The following TTC7B variants were observed in gnomAD, a reference collection of about 807,000 sequenced individuals.
TTC7B encodes the protein tetratricopeptide repeat protein 7B.
TTC7B carries 28 observed loss-of-function variants against 106.8 expected under a neutral mutation model. That is an observed-to-expected ratio of 0.26 (90% confidence interval 0.19 to 0.36). The LOEUF (loss-of-function observed/expected upper bound fraction) is 0.36. Ranked by LOEUF, TTC7B falls within the 10% of genes least tolerant of loss-of-function variation. The pLI is 1.00. For synonymous variants in TTC7B, 405 were observed against 430.6 expected (o/e 0.94, Z 0.74); for missense variants, 862 against 1,076.4 (o/e 0.80, Z 2.79).
chr14:90,790,187 G>C (rs1320606580), intron 1 of TTC7B, among the ~76,000 whole-genome samples: 1 of 151,716 alleles, frequency 6.6e-6, no homozygotes, highest in Non-Finnish European at 1.5e-5. Flanking sequence ...ATCACTTAGT[G>C]TAAACAATAG....
intron 16 of TTC7B, among the ~76,000 whole-genome samples, chr14:90,612,684 G>T (rs972238661): frequency 3.9e-5 from 6 of 152,170 alleles, no homozygotes; most frequent in African/African-American, 1.4e-4. Flanking sequence ...AAGGATTGTT[G>T]TCCTACACAG....
At chr14:90,618,536 C>CA (rs1893180822) in intron 15 of TTC7B, among the ~76,000 whole-genome samples, 2 of 152,356 alleles carry the variant, frequency 1.3e-5, no homozygotes, top group Admixed American at 1.3e-4. Context: ...CAGCCTCCGG[C>CA]ATAGGCCCTC....
At chr14:90,632,547 AAACT>A (rs1884746436) in intron 15 of TTC7B, among the ~76,000 whole-genome samples, 1 of 152,246 alleles carries the variant, frequency 6.6e-6, no homozygotes, top group Non-Finnish European at 1.5e-5. Flanking sequence ...AGATAGCATA[AAACT>A]CCTGCTCATC....
chr14:90,543,786 C>G (rs899908891), intron 19 of TTC7B, among the ~76,000 whole-genome samples: 1 of 152,260 alleles, frequency 6.6e-6, no homozygotes, highest in Non-Finnish European at 1.5e-5. Flanking sequence ...CCCAATAAAG[C>G]CTTGCCCTCG....
chr14:90,617,027 T>C (rs1893112668), intron 16 of TTC7B, among the ~76,000 whole-genome samples: 1 of 152,184 alleles, frequency 6.6e-6, no homozygotes, highest in African/African-American at 2.4e-5. Flanking sequence ...GGGAAAACTG[T>C]GCAAGACTTG....
At chr14:90,619,391 TCTATGG>T (rs1358013372) in intron 15 of TTC7B, among the ~76,000 whole-genome samples, 2 of 152,194 alleles carry the variant, frequency 1.3e-5, no homozygotes, top group Non-Finnish European at 2.9e-5. Context: ...CTGGCACAAC[TCTATGG>T]CTACACATGC....
At chr14:90,673,128 G>T (rs1441914692) in intron 9 of TTC7B, among the ~76,000 whole-genome samples, 1 of 152,190 alleles carries the variant, frequency 6.6e-6, no homozygotes, top group African/African-American at 2.4e-5. Flanking sequence ...GATGGGTGAG[G>T]TGCCAGTGGA....
chr14:90,811,320 G>T (rs72695583), intron 1 of TTC7B, among the ~76,000 whole-genome samples: 6,276 of 152,284 alleles, frequency 0.041, 173 homozygotes, highest in Non-Finnish European at 0.058. Context: ...ATTCTGGGAG[G>T]AGTTGGGCTC....
At chr14:90,709,332 T>TACAC (rs1384016320) in intron 5 of TTC7B, among the ~76,000 whole-genome samples, 1 of 151,216 alleles carries the variant, frequency 6.6e-6, no homozygotes, top group Non-Finnish European at 1.5e-5. Flanking sequence ...GTGGCACATA[T>TACAC]ACACCATGGA....
intron 18 of TTC7B, among the ~76,000 whole-genome samples, chr14:90,586,968 TACA>T (rs1203779673): frequency 7.2e-5 from 11 of 152,170 alleles, no homozygotes; most frequent in African/African-American, 2.4e-4. Flanking sequence ...ACATCCAACC[TACA>T]ACAAGTCCCA....
At chr14:90,551,857 C>A (rs1258554758) in intron 19 of TTC7B, among the ~76,000 whole-genome samples, 9 of 152,316 alleles carry the variant, frequency 5.9e-5, no homozygotes. Flanking sequence ...AGCCCTGAGC[C>A]CCACCCCGCT....
Position 90,727,217 on chromosome 14 carries a change from C to T in TTC7B, c.698+2858G>A, listed in dbSNP as rs189363516. On this transcript the variant is annotated intron_variant, in intron 5 of 19. Transcript: ENST00000328459. ...ACAGAGGCTGGGAACTGTCTGTGGG[C>T]GATGTCCTGTCCGGGGTCAAGTGCT... 3.9e-5 allele frequency among the ~76,000 whole-genome samples: 6 copies of T among 152,206 alleles called. No individual in the cohort carries two copies. The East Asian group carries it at 9.7e-4, about 25-fold the overall frequency.
intron 7 of TTC7B, among the ~76,000 whole-genome samples, chr14:90,682,650 C>G (rs1887099831): frequency 6.6e-6 from 1 of 152,156 alleles, no homozygotes; most frequent in Non-Finnish European, 1.5e-5. Context: ...GTACCCAGGC[C>G]TCAGCCTTGA....
chr14:90,710,213 T>A (rs539342246), intron 5 of TTC7B, among the ~76,000 whole-genome samples: 16 of 152,114 alleles, frequency 1.1e-4, no homozygotes, highest in Non-Finnish European at 1.9e-4. Flanking sequence ...GGGCTTCAAA[T>A]CTTCAGTGGA....
At position 90,610,699 on chromosome 14, in the gene TTC7B, T is replaced by G. The variant is rs1194252051; in HGVS notation, c.1966+43A>C. 2.1e-6 allele frequency: 3 copies of G among 1,426,770 alleles called. No individual in the cohort carries two copies. In the African/African-American group the frequency reaches 4.2e-5, roughly 20 times the overall value. 88.4% of individuals were successfully genotyped at this position (1,426,770 alleles called of 1,614,324 possible). On this transcript the variant is annotated intron_variant, in intron 17 of 19. Coordinates refer to ENST00000328459, the MANE Select transcript of TTC7B (RefSeq NM_001010854.2). ...GTCACTTGGTCCCAGGCCCCCACAT[T>G]CTCCATTACACCATTTCGTCCCCTC...
intron 4 of TTC7B, among the ~76,000 whole-genome samples, chr14:90,737,546 GTTTTTTTTTTTT>G (rs71461922): frequency 1.1e-5 from 1 of 91,750 alleles, no homozygotes; most frequent in Admixed American, 1.5e-4. Context: ...GTATGATTCT[GTTTTTTTTTTTT>G]TTTTTTTTTT....
chr14:90,526,306 G>C lies in TTC7B; in HGVS notation c.*15062C>G, dbSNP rs562543337. 1.3e-5 allele frequency: 2 copies of C among 152,166 alleles called. No homozygotes were observed. Among genetic ancestry groups the C allele is most frequent in the East Asian group, 1.9e-4 (1 of 5,184 alleles). 9.4% of individuals were successfully genotyped at this position (152,166 alleles called of 1,614,324 possible). A position where few individuals can be genotyped will look rare whatever the true frequency, so the allele number is the denominator to read the frequency against. On this transcript the variant is annotated 3_prime_UTR_variant, in exon 20 of 20. Transcript: ENST00000328459. ...ATGTTGAACATTTCTTCATGTGCTTGTTGGCCTAGACCTTACTTTAAAAAA... is the reference window on the plus strand; with the variant it reads ...ATGTTGAACATTTCTTCATGTGCTTCTTGGCCTAGACCTTACTTTAAAAAA...
intron 13 of TTC7B, among the ~76,000 whole-genome samples, chr14:90,651,317 G>T (rs757468265): frequency 6.6e-6 from 1 of 152,188 alleles, no homozygotes; most frequent in Non-Finnish European, 1.5e-5. Flanking sequence ...CATCAGTTAG[G>T]TTAGCGGGAT....
intron 5 of TTC7B, among the ~76,000 whole-genome samples, chr14:90,702,011 G>T (rs559956423): frequency 6.6e-6 from 1 of 152,028 alleles, no homozygotes; most frequent in East Asian, 1.9e-4. Flanking sequence ...AAACCAATCC[G>T]AACTTATCTA....
Sources: gnomAD v4.1 joint callset for allele counts (sites outside exome capture counted in the v4.1 genomes callset) on GRCh38, gnomAD v4.1.1 for gene constraint, MANE v1.5 for transcripts, NCBI Gene and HGNC (gene_info 2026-07-23, HGNC 2026-07-21) for gene names.